Variants in PRKD1 observed in about 807,000 individuals in gnomAD.
PRKD1 encodes protein kinase D1.
PRKD1 carries 63 observed loss-of-function variants against 95.9 expected under a neutral mutation model. The observed-to-expected ratio is 0.66, with a 90% CI of 0.54 to 0.81. The LOEUF is 0.81. Ranked by LOEUF, PRKD1 falls within the 30% of genes least tolerant of loss-of-function variation. The probability of loss-of-function intolerance (pLI) is 0.00; values close to 1 mark genes in which losing one functional copy is unlikely to be tolerated. For missense variants in PRKD1, 1,048 were observed against 1,165.3 expected (o/e 0.90, Z 1.47); for synonymous variants, 425 against 423.1 (o/e 1.00, Z -0.05).
intron 2 of PRKD1, among the ~76,000 whole-genome samples, chr14:29,696,686 C>A (rs1352135561): frequency 6.6e-6 from 1 of 152,046 alleles, no homozygotes; most frequent in Admixed American, 6.6e-5. Context: ...AGGAAATAAA[C>A]CAAAATAAAT....
At chr14:29,776,931 C>A (rs913435348) in intron 1 of PRKD1, among the ~76,000 whole-genome samples, 1 of 152,210 alleles carries the variant, frequency 6.6e-6, no homozygotes, top group Non-Finnish European at 1.5e-5. Flanking sequence ...GCCCATCAGA[C>A]TAAGAGCGGA....
intron 1 of PRKD1, among the ~76,000 whole-genome samples, chr14:29,824,709 T>C (rs1891043774): frequency 6.6e-6 from 1 of 152,210 alleles, no homozygotes; most frequent in South Asian, 2.1e-4. Context: ...GAAACTATTC[T>C]ATCAGATACC....
At chr14:29,614,874 T>G (rs868394785) in intron 13 of PRKD1, among the ~76,000 whole-genome samples, 3 of 135,530 alleles carry the variant, frequency 2.2e-5, no homozygotes, top group African/African-American at 8.5e-5. Flanking sequence ...TTTTTTTTTT[T>G]TTTTTTTTTG....
At chr14:29,689,017 A>G (rs913289970) in intron 2 of PRKD1, among the ~76,000 whole-genome samples, 65 of 151,762 alleles carry the variant, frequency 4.3e-4, no homozygotes, top group Middle Eastern at 6.8e-3. Context: ...ACCCCAGAAG[A>G]AAATCTATGC....
At chr14:29,693,647 AC>A (rs1884359996) in intron 2 of PRKD1, among the ~76,000 whole-genome samples, 2 of 103,836 alleles carry the variant, frequency 1.9e-5, no homozygotes, top group African/African-American at 1.4e-4. Context: ...AAAAACAACA[AC>A]AACAAAAAAA....
At chr14:29,754,119 C>A (rs1446585778) in intron 1 of PRKD1, among the ~76,000 whole-genome samples, 1 of 152,136 alleles carries the variant, frequency 6.6e-6, no homozygotes, top group Admixed American at 6.6e-5. Context: ...CTTTTTGCAG[C>A]TTAACTGATG....
chr14:29,589,622 T>C (rs757545890), intron 16 of PRKD1, among the ~76,000 whole-genome samples: 90 of 152,032 alleles, frequency 5.9e-4, no homozygotes, highest in Admixed American at 2.2e-3. Flanking sequence ...TACATATAAA[T>C]ATTATATATT....
chr14:29,806,919 C>T (rs558268577), intron 1 of PRKD1, among the ~76,000 whole-genome samples: 3 of 152,136 alleles, frequency 2.0e-5, no homozygotes, highest in East Asian at 1.9e-4. Flanking sequence ...ACCATATTGT[C>T]GCAATATGGC....
intron 1 of PRKD1, among the ~76,000 whole-genome samples, chr14:29,776,445 C>T (rs1846119687): frequency 2.0e-5 from 3 of 152,072 alleles, no homozygotes; most frequent in Admixed American, 1.3e-4. Flanking sequence ...TAGAGAAGTC[C>T]TTAAATGACC....
intron 1 of PRKD1, among the ~76,000 whole-genome samples, chr14:29,873,943 T>C (rs1566648601): frequency 6.6e-6 from 1 of 152,200 alleles, no homozygotes; most frequent in Non-Finnish European, 1.5e-5. Flanking sequence ...CTATAAACAC[T>C]ATATAAAATG....
At chr14:29,844,799 C>G (rs1026103875) in intron 1 of PRKD1, among the ~76,000 whole-genome samples, 1 of 152,104 alleles carries the variant, frequency 6.6e-6, no homozygotes, top group Non-Finnish European at 1.5e-5. Context: ...TGTTAATGGC[C>G]CAGTCTCCCT....
chr14:29,643,871 G>T (rs967632065), intron 4 of PRKD1, among the ~76,000 whole-genome samples: 5 of 152,124 alleles, frequency 3.3e-5, no homozygotes, highest in Non-Finnish European at 7.3e-5. Context: ...ATTTCTGTGC[G>T]TTAACTAAAA....
intron 1 of PRKD1, among the ~76,000 whole-genome samples, chr14:29,895,781 AT>A (rs1894103921): frequency 6.6e-6 from 1 of 152,098 alleles, no homozygotes; most frequent in Non-Finnish European, 1.5e-5. Context: ...CCTTCACCTC[AT>A]TTGAGTCTTT....
intron 4 of PRKD1, among the ~76,000 whole-genome samples, chr14:29,660,727 T>TA (rs1389180474): frequency 6.6e-6 from 1 of 152,058 alleles, no homozygotes; most frequent in Non-Finnish European, 1.5e-5. Context: ...GTAAATAAAA[T>TA]AAAAAGATGA....
chr14:29,914,461 A>G (rs1016810352), intron 1 of PRKD1, among the ~76,000 whole-genome samples: 1 of 152,234 alleles, frequency 6.6e-6, no homozygotes, highest in African/African-American at 2.4e-5. Context: ...TACTACTTCT[A>G]AAAGGAAAGC....
At chr14:29,866,325 T>C (rs932086349) in intron 1 of PRKD1, among the ~76,000 whole-genome samples, 2 of 152,256 alleles carry the variant, frequency 1.3e-5, no homozygotes, top group African/African-American at 4.8e-5. Flanking sequence ...GTTAATTTCT[T>C]AATTGGCTAC....
chr14:29,785,614 T>A (rs1378451052), intron 1 of PRKD1, among the ~76,000 whole-genome samples: 1 of 136,224 alleles, frequency 7.3e-6, no homozygotes, highest in African/African-American at 2.8e-5. Context: ...AAAGGAGTAG[T>A]GAAAGTGGGC....
chr14:29,707,969 A>G (rs1885169256), intron 2 of PRKD1, among the ~76,000 whole-genome samples: 2 of 152,168 alleles, frequency 1.3e-5, no homozygotes, highest in Non-Finnish European at 2.9e-5. Flanking sequence ...TTAACTGCCC[A>G]TCTCTTCTAA....
At chr14:29,794,441 A>G (rs1187037639) in intron 1 of PRKD1, among the ~76,000 whole-genome samples, 1 of 151,996 alleles carries the variant, frequency 6.6e-6, no homozygotes, top group African/African-American at 2.4e-5. Flanking sequence ...TTCCACATAC[A>G]CACTCTTTGA....
Sources: allele counts gnomAD v4.1 joint callset (sites outside exome capture counted in the v4.1 genomes callset), GRCh38; gene constraint gnomAD v4.1.1; transcripts MANE v1.5; gene names NCBI Gene and HGNC (gene_info 2026-07-23, HGNC 2026-07-21).